CHST8: variants seen among roughly 807,000 people sequenced by gnomAD.
The protein encoded by CHST8 is GALNAC-4-ST1.
CHST8 carries 10 observed loss-of-function variants against 15.0 expected under a neutral mutation model. That is an observed-to-expected ratio of 0.67 (90% CI 0.41 to 1.13). The LOEUF (loss-of-function observed/expected upper bound fraction) is 1.13. Among genes scored for constraint, CHST8 ranks in the 50% most tolerant of loss-of-function variants. The pLI, the probability that CHST8 is intolerant of heterozygous loss-of-function variation, is 0.00. For synonymous variants in CHST8, 259 were observed against 256.6 expected (o/e 1.01, Z -0.09); for missense variants, 634 against 608.2 (o/e 1.04, Z -0.45).
chr19:33,767,955 A>G (rs952599147), intron 3 of CHST8, among the ~76,000 whole-genome samples: 1 of 152,152 alleles, frequency 6.6e-6, no homozygotes, highest in Non-Finnish European at 1.5e-5. Flanking sequence ...CTTCCCACCC[A>G]TAAGTGCCCC....
chr19:33,650,924 C>A (rs1972440440), intron 1 of CHST8, among the ~76,000 whole-genome samples: 1 of 152,090 alleles, frequency 6.6e-6, no homozygotes, highest in South Asian at 2.1e-4. Context: ...TGGTCTTGAA[C>A]TCCTGACCTG....
chr19:33,757,622 G>A (rs1974628949), intron 3 of CHST8, among the ~76,000 whole-genome samples: 1 of 149,692 alleles, frequency 6.7e-6, no homozygotes, highest in Admixed American at 6.7e-5. Flanking sequence ...CATTCAGAAG[G>A]GAGCAGAAAG....
At chr19:33,731,599 T>A (rs1973993738) in intron 3 of CHST8, among the ~76,000 whole-genome samples, 1 of 152,206 alleles carries the variant, frequency 6.6e-6, no homozygotes, top group Non-Finnish European at 1.5e-5. Context: ...CAACCTCCTA[T>A]GTCATTCTGT....
intron 3 of CHST8, among the ~76,000 whole-genome samples, chr19:33,695,964 T>C (rs954176049): frequency 6.6e-6 from 1 of 151,780 alleles, no homozygotes; most frequent in African/African-American, 2.4e-5. Context: ...TAGCTGGGAT[T>C]ACAGGTGCCC....
chr19:33,652,783 T>C (rs985228060), intron 1 of CHST8, among the ~76,000 whole-genome samples: 7 of 152,244 alleles, frequency 4.6e-5, no homozygotes, highest in African/African-American at 1.7e-4. Context: ...TTGTATGTAC[T>C]TTACTCTTGT....
At chr19:33,761,578 G>A (rs892164085) in intron 3 of CHST8, among the ~76,000 whole-genome samples, 3 of 151,878 alleles carry the variant, frequency 2.0e-5, no homozygotes, top group Non-Finnish European at 2.9e-5. Flanking sequence ...TGATACACCC[G>A]CCTCAGCCTC....
chr19:33,645,718 T>C (rs1972346556), intron 1 of CHST8, among the ~76,000 whole-genome samples: 1 of 152,116 alleles, frequency 6.6e-6, no homozygotes, highest in South Asian at 2.1e-4. Flanking sequence ...ATATACAAGT[T>C]TGGAGTTATG....
At chr19:33,723,883 G>T (rs1973845627) in intron 3 of CHST8, among the ~76,000 whole-genome samples, 2 of 152,310 alleles carry the variant, frequency 1.3e-5, no homozygotes, top group South Asian at 4.1e-4. Context: ...TTGGCAGGAG[G>T]ATCCCATGCC....
intron 3 of CHST8, among the ~76,000 whole-genome samples, chr19:33,706,503 G>C (rs745686023): frequency 6.6e-6 from 1 of 152,144 alleles, no homozygotes; most frequent in African/African-American, 2.4e-5. Context: ...TGCTGTGAGC[G>C]TACCCTGACA....
At position 33,717,500 on chromosome 19, in the gene CHST8, C is replaced by T. The variant is rs568303532; in HGVS notation, c.130+28109C>T. 3.3e-5 allele frequency among the ~76,000 whole-genome samples: 5 copies of T among 152,160 alleles called. No homozygotes were observed. In the South Asian group the frequency reaches 6.3e-4, roughly 19 times the overall value. ...AAGTACACGCTCAAGAAAGGAGTGC[C>T]GGCAGACTCAAGAGTCGTGTGGTGG... On this transcript the variant is annotated intron_variant, in intron 3 of 4. Coordinates refer to ENST00000650847, the MANE Select transcript of CHST8 (RefSeq NM_001127895.2).
intron 3 of CHST8, among the ~76,000 whole-genome samples, chr19:33,691,130 C>T (rs1350985311): frequency 6.6e-6 from 1 of 152,236 alleles, no homozygotes; most frequent in Non-Finnish European, 1.5e-5. Flanking sequence ...CAAGAGTGCT[C>T]ACTGCGCAGG....
chr19:33,683,950 TG>T lies in CHST8; in HGVS notation c.-86-5225del, dbSNP rs1972931976. Reference sequence around the variant, plus strand: ...TCAGTTTCTTTACATGCAGAATGACTGTCCCCTGCCCTGCCCCACTGGCATA... The same window carrying T: ...TCAGTTTCTTTACATGCAGAATGACTTCCCCTGCCCTGCCCCACTGGCATA... On this transcript the variant is annotated intron_variant, in intron 2 of 4. Coordinates refer to ENST00000650847, the MANE Select transcript of CHST8 (RefSeq NM_001127895.2). 3.3e-5 allele frequency among the ~76,000 whole-genome samples: 5 copies of T among 152,332 alleles called. No homozygotes were observed. In the South Asian group the frequency reaches 1.0e-3, roughly 32 times the overall value.
chr19:33,729,471 T>C (rs974558430), intron 3 of CHST8, among the ~76,000 whole-genome samples: 7 of 152,238 alleles, frequency 4.6e-5, no homozygotes, highest in Non-Finnish European at 8.8e-5. Context: ...CCCGTCATTG[T>C]AGCTGTGGTC....
intron 1 of CHST8, among the ~76,000 whole-genome samples, chr19:33,635,052 T>C (rs1044271855): frequency 6.6e-6 from 1 of 152,140 alleles, no homozygotes; most frequent in African/African-American, 2.4e-5. Flanking sequence ...TGATGATGCA[T>C]GTGTTATTGG....
chr19:33,661,860 A>C (rs1038121685), intron 1 of CHST8, among the ~76,000 whole-genome samples: 1 of 128,400 alleles, frequency 7.8e-6, no homozygotes, highest in African/African-American at 3.1e-5. Context: ...GGGAGATTTC[A>C]TCTTTACAAA....
intron 1 of CHST8, among the ~76,000 whole-genome samples, chr19:33,642,707 A>T (rs1214930057): frequency 1.3e-5 from 2 of 152,226 alleles, no homozygotes; most frequent in African/African-American, 4.8e-5. Context: ...GCAAGAGCAA[A>T]AAGAAGATTA....
intron 1 of CHST8, among the ~76,000 whole-genome samples, chr19:33,630,258 T>C (rs986393492): frequency 3.9e-5 from 6 of 152,126 alleles, no homozygotes; most frequent in Non-Finnish European, 8.8e-5. Context: ...CAGGTTACAG[T>C]GTTGGTGCAG....
intron 1 of CHST8, among the ~76,000 whole-genome samples, chr19:33,647,715 G>A (rs569097438): frequency 9.3e-4 from 141 of 151,796 alleles, no homozygotes; most frequent in Non-Finnish European, 1.9e-3. Flanking sequence ...GCATGGTGGC[G>A]TGCACCTGTA....
At chr19:33,754,668 TCCAGC>T in intron 3 of CHST8, among the ~76,000 whole-genome samples, 1 of 152,188 alleles carries the variant, frequency 6.6e-6, no homozygotes, top group East Asian at 1.9e-4. Flanking sequence ...GCATGCCCGC[TCCAGC>T]CTCTGCCACG....
Sources: allele counts gnomAD v4.1 joint callset (sites outside exome capture counted in the v4.1 genomes callset), GRCh38; gene constraint gnomAD v4.1.1; transcripts MANE v1.5; gene names NCBI Gene and HGNC (gene_info 2026-07-23, HGNC 2026-07-21).